Variants in SUMF1 observed in about 807,000 individuals in gnomAD.
SUMF1 encodes the protein formylglycine-generating enzyme.
A neutral mutation model predicts 47.6 loss-of-function variants in SUMF1; 48 were observed. The ratio of observed to expected loss-of-function variants is 1.01; its 90% confidence interval spans 0.80 to 1.28. The LOEUF (loss-of-function observed/expected upper bound fraction) is 1.28. Among genes scored for constraint, SUMF1 ranks in the 50% most tolerant of loss-of-function variants. SUMF1 has a pLI of 0.00. For missense variants in SUMF1, 571 were observed against 485.4 expected, an observed-to-expected ratio of 1.18 and a Z score of -1.66; for synonymous variants, 230 against 192.1, an observed-to-expected ratio of 1.20 and a Z score of -1.63.
chr3:4,086,903 G>GC (rs1692684140), intron 8 of SUMF1, among the ~76,000 whole-genome samples: 2 of 152,030 alleles, frequency 1.3e-5, no homozygotes, highest in Non-Finnish European at 2.9e-5. Context: ...CTTCCACCAT[G>GC]ATTATGAGGC....
At chr3:4,133,081 A>G (rs558754660) in intron 8 of SUMF1, among the ~76,000 whole-genome samples, 4 of 152,288 alleles carry the variant, frequency 2.6e-5, no homozygotes, top group South Asian at 4.1e-4. Flanking sequence ...CTATGACCAC[A>G]TGACCAGCTG....
chr3:4,383,539 T>C (rs1053935961), intron 7 of SUMF1, among the ~76,000 whole-genome samples: 5 of 152,216 alleles, frequency 3.3e-5, no homozygotes, highest in African/African-American at 1.2e-4. Context: ...TGGCAGTTTT[T>C]GTCCTGGATT....
intron 8 of SUMF1, among the ~76,000 whole-genome samples, chr3:4,231,242 CAACT>C (rs1273137876): frequency 6.6e-6 from 1 of 152,094 alleles, no homozygotes; most frequent in African/African-American, 2.4e-5. Flanking sequence ...GTGATGCAAC[CAACT>C]ATGTAATCTT....
At chr3:4,126,680 AG>A (rs1693661488) in intron 8 of SUMF1, among the ~76,000 whole-genome samples, 1 of 152,282 alleles carries the variant, frequency 6.6e-6, no homozygotes, top group African/African-American at 2.4e-5. Flanking sequence ...TGGCAGTGGA[AG>A]GGGTGTCAGA....
At chr3:4,395,857 C>T (rs1701023446) in intron 7 of SUMF1, among the ~76,000 whole-genome samples, 1 of 152,168 alleles carries the variant, frequency 6.6e-6, no homozygotes, top group Non-Finnish European at 1.5e-5. Flanking sequence ...AAATACCAGT[C>T]TACTTGTAAA....
intron 8 of SUMF1, among the ~76,000 whole-genome samples, chr3:4,247,665 T>A (rs948279712): frequency 6.6e-6 from 1 of 152,112 alleles, no homozygotes; most frequent in African/African-American, 2.4e-5. Context: ...ACTTCTAGAC[T>A]AAAACTGGAG....
At chr3:4,316,805 T>C (rs1209262418) in intron 8 of SUMF1, 1 of 1,550,660 alleles carries the variant, frequency 6.4e-7, no homozygotes, top group Admixed American at 2.0e-5. Context: ...TTTGGTGGTC[T>C]GCTGCTGGTC....
chr3:4,064,974 C>G (rs1695344656), intron 9 of SUMF1, among the ~76,000 whole-genome samples: 1 of 152,152 alleles, frequency 6.6e-6, no homozygotes, highest in Non-Finnish European at 1.5e-5. Context: ...AAGAAACACT[C>G]TAATGGTCAC....
rs533382576 is a variant in SUMF1 at position 4,132,531 on chromosome 3, G to A, written c.1015-63786C>T. 7.9e-5 allele frequency among the ~76,000 whole-genome samples: 12 copies of A among 152,200 alleles called. No homozygotes were observed. The South Asian group carries it at 2.3e-3, about 29-fold the overall frequency. ...GATTCATCGGTCCAGGTATCAAGGGGTGAAAGTGGAAGTGGCACCACTCAC... is the reference window on the plus strand; with the variant it reads ...GATTCATCGGTCCAGGTATCAAGGGATGAAAGTGGAAGTGGCACCACTCAC... On this transcript the variant is annotated intron_variant and NMD_transcript_variant, in intron 8 of 12. Transcript: ENST00000448413.
At chr3:4,264,522 CA>C (rs1324310108) in intron 8 of SUMF1, among the ~76,000 whole-genome samples, 2 of 152,070 alleles carry the variant, frequency 1.3e-5, no homozygotes, top group African/African-American at 4.8e-5. Flanking sequence ...TTATACACGA[CA>C]AACAGCAGGG....
At chr3:4,252,962 A>T (rs996633522) in intron 8 of SUMF1, among the ~76,000 whole-genome samples, 6 of 152,208 alleles carry the variant, frequency 3.9e-5, no homozygotes, top group Non-Finnish European at 8.8e-5. Flanking sequence ...TCAAACCAGC[A>T]TTGGAACATT....
At chr3:4,335,451 G>T (rs1042399460) in intron 8 of SUMF1, among the ~76,000 whole-genome samples, 8 of 152,096 alleles carry the variant, frequency 5.3e-5, no homozygotes, top group African/African-American at 1.2e-4. Context: ...CTGGAGATGG[G>T]GTCTAAGCTA....
intron 8 of SUMF1, among the ~76,000 whole-genome samples, chr3:4,297,666 C>T (rs557340938): frequency 1.3e-5 from 2 of 150,318 alleles, no homozygotes; most frequent in Admixed American, 6.7e-5. Context: ...ACCTCAGCTT[C>T]CCAAGGCACT....
chr3:4,304,145 C>T (rs886602348), intron 8 of SUMF1: 18 of 167,938 alleles, frequency 1.1e-4, no homozygotes, highest in African/African-American at 3.4e-4. Context: ...CCTTTCTACT[C>T]TCCTTTTTCT....
chr3:4,455,597 A>C (rs924522660), intron 1 of SUMF1, among the ~76,000 whole-genome samples: 1 of 152,156 alleles, frequency 6.6e-6, no homozygotes, highest in African/African-American at 2.4e-5. Flanking sequence ...CACGCCTGTA[A>C]TCCCAGCCAC....
rs1056194215 is a variant in SUMF1 at position 4,414,278 on chromosome 3, C to G, written c.840+2850G>C. Among the ~76,000 whole-genome samples the G allele has an allele frequency of 2.0e-5, 3 of 152,334 alleles. No homozygotes were observed. The East Asian group carries it at 5.8e-4, about 29-fold the overall frequency. Reference sequence around the variant, plus strand: ...CCCAGGAGGCTGAGGTTGCAGTAAGCTGTGATCATGCCACTGCACTCCAGC... The same window carrying G: ...CCCAGGAGGCTGAGGTTGCAGTAAGGTGTGATCATGCCACTGCACTCCAGC... On this transcript the variant is annotated intron_variant, in intron 6 of 8. Transcript: ENST00000272902.
At chr3:4,333,460 T>C (rs1045613027) in intron 8 of SUMF1, among the ~76,000 whole-genome samples, 2 of 152,180 alleles carry the variant, frequency 1.3e-5, no homozygotes, top group Non-Finnish European at 2.9e-5. Flanking sequence ...AAGCATGCAA[T>C]TTTTAGGGCC....
At chr3:4,112,024 AAC>A (rs1693319357) in intron 8 of SUMF1, among the ~76,000 whole-genome samples, 1 of 152,118 alleles carries the variant, frequency 6.6e-6, no homozygotes, top group Admixed American at 6.5e-5. Flanking sequence ...GGCATGAGAA[AAC>A]AGTCATTGTT....
intron 8 of SUMF1, among the ~76,000 whole-genome samples, chr3:4,236,580 C>A (rs1306434857): frequency 3.6e-5 from 1 of 27,812 alleles, no homozygotes; most frequent in Admixed American, 2.7e-4. Context: ...ATAGTGAGAC[C>A]CCCCATCTCT....
Sources: gnomAD v4.1 joint callset for allele counts (sites outside exome capture counted in the v4.1 genomes callset) on GRCh38, gnomAD v4.1.1 for gene constraint, MANE v1.5 for transcripts, NCBI Gene and HGNC (gene_info 2026-07-23, HGNC 2026-07-21) for gene names.